Variants in SEPTIN9 observed in about 807,000 individuals in gnomAD.
The protein encoded by SEPTIN9 is septin 9.
Under a neutral mutation model 56.6 loss-of-function variants are expected in SEPTIN9, and 13 were observed. That is an observed-to-expected ratio of 0.23 (90% CI 0.15 to 0.37). The LOEUF is 0.37. Ranked by LOEUF, SEPTIN9 falls within the 10% of genes least tolerant of loss-of-function variation. The pLI, the probability that SEPTIN9 is intolerant of heterozygous loss-of-function variation, is 1.00. For missense variants in SEPTIN9, 650 were observed against 823.1 expected (o/e 0.79, Z 2.57); for synonymous variants, 332 against 334.1 (o/e 0.99, Z 0.07).
At chr17:77,481,030 C>T (rs1363516840) in intron 3 of SEPTIN9, among the ~76,000 whole-genome samples, 2 of 152,184 alleles carry the variant, frequency 1.3e-5, no homozygotes, top group South Asian at 2.1e-4. Context: ...GTGAGTGTGG[C>T]GAGTCTGAGG....
At chr17:77,339,427 G>A (rs979004527) in intron 2 of SEPTIN9, among the ~76,000 whole-genome samples, 27 of 152,146 alleles carry the variant, frequency 1.8e-4, no homozygotes, top group African/African-American at 5.5e-4. Context: ...ATACATCTCC[G>A]TCAGAGCTCT....
chr17:77,490,209 A>G (rs1000299883), intron 7 of SEPTIN9, among the ~76,000 whole-genome samples: 1 of 152,206 alleles, frequency 6.6e-6, no homozygotes, highest in African/African-American at 2.4e-5. Flanking sequence ...GAACTGGGGA[A>G]GATGGTGCCC....
chr17:77,288,984 T>C (rs2031406855), intron 1 of SEPTIN9, among the ~76,000 whole-genome samples: 1 of 152,246 alleles, frequency 6.6e-6, no homozygotes, highest in African/African-American at 2.4e-5. Flanking sequence ...GTGGCTGACC[T>C]TGGCTGGGGC....
Position 77,451,979 on chromosome 17 carries a change from G to T in SEPTIN9, c.722-30165G>T, listed in dbSNP as rs750090585. Among the ~76,000 whole-genome samples, 3 of 152,210 alleles carry T rather than the reference G, an allele frequency of 2.0e-5. No homozygotes were observed. Among genetic ancestry groups the T allele is most frequent in the Non-Finnish European group, 4.4e-5 (3 of 68,042 alleles). ...CCTCTGGGCTCCCGAAGACCGGCTG[G>T]CTGGAGGCTGGAGATAGTCTCAATG... is the stretch of plus-strand genomic sequence containing the variant. On this transcript the variant is annotated intron_variant, in intron 3 of 11. Coordinates refer to ENST00000427177, the MANE Select transcript of SEPTIN9 (RefSeq NM_001113491.2). This position sits in a 1 kb window ranked among gnomAD's most constrained non-coding sequence, Gnocchi z 4.2.
chr17:77,349,142 C>T (rs1038775929), intron 2 of SEPTIN9, among the ~76,000 whole-genome samples: 1 of 151,984 alleles, frequency 6.6e-6, no homozygotes, highest in Admixed American at 6.6e-5. Context: ...TGTCTCCCCA[C>T]AGGCTACAGT....
rs1244867167 is a variant in SEPTIN9 at position 77,487,073 on chromosome 17, C to T, written c.914-351C>T. On this transcript the variant is annotated intron_variant, in intron 4 of 11. Transcript: ENST00000427177. The surrounding 1 kb of genome is among the most constrained non-coding windows in gnomAD (Gnocchi z 4.3). ...GCAGCCCTGGGCTCCTCCGCCAGCC[C>T]GGCCTCTGTCCTGTCCAAAATCTGA... is the stretch of plus-strand genomic sequence containing the variant. 5.3e-5 allele frequency among the ~76,000 whole-genome samples: 8 copies of T among 152,324 alleles called. 1 individual carries two copies. The East Asian group carries it at 1.4e-3, about 26-fold the overall frequency.
At chr17:77,413,960 C>T (rs56702446) in intron 3 of SEPTIN9, among the ~76,000 whole-genome samples, 1 of 146,206 alleles carries the variant, frequency 6.8e-6, no homozygotes, top group South Asian at 2.1e-4. Flanking sequence ...TTTTTTTTCC[C>T]CTCTCTCTTT....
chr17:77,484,664 G>T (rs542918071), intron 4 of SEPTIN9, among the ~76,000 whole-genome samples: 1 of 140,664 alleles, frequency 7.1e-6, no homozygotes, highest in Non-Finnish European at 1.5e-5. Context: ...GGTGGTGATT[G>T]TGATGGTGGT....
chr17:77,332,551 A>G (rs2033405081), intron 2 of SEPTIN9, among the ~76,000 whole-genome samples: 2 of 152,206 alleles, frequency 1.3e-5, no homozygotes, highest in Admixed American at 6.5e-5. Context: ...AGTAAAATGT[A>G]TATACCCTGA....
Position 77,487,135 on chromosome 17 carries a change from G to A in SEPTIN9, c.914-289G>A, listed in dbSNP as rs2039826607. 6.6e-6 allele frequency among the ~76,000 whole-genome samples: 1 copy of A among 152,208 alleles called. No individual in the cohort carries two copies. Among genetic ancestry groups the A allele is most frequent in the South Asian group, 2.1e-4 (1 of 4,834 alleles). ...ACCTCCTGTCCAGAAAGCACAAGGG[G>A]CACAAGAGATGCCGACTCTCCCAGG... On this transcript the variant is annotated intron_variant, in intron 4 of 11. Transcript: ENST00000427177. The surrounding 1 kb of genome is among the most constrained non-coding windows in gnomAD (Gnocchi z 4.3).
chr17:77,384,005 G>A (rs1598287240), intron 2 of SEPTIN9, among the ~76,000 whole-genome samples: 2 of 152,224 alleles, frequency 1.3e-5, no homozygotes, highest in East Asian at 3.9e-4. Flanking sequence ...CTACATGCCA[G>A]GCAGGGTGCC....
chr17:77,391,575 G>A (rs887386169), intron 2 of SEPTIN9, among the ~76,000 whole-genome samples: 1 of 152,198 alleles, frequency 6.6e-6, no homozygotes, highest in Non-Finnish European at 1.5e-5. Flanking sequence ...GCAAAGATCC[G>A]TTTTCCAAAT....
At chr17:77,363,797 C>A (rs1003066625) in intron 2 of SEPTIN9, among the ~76,000 whole-genome samples, 1 of 152,122 alleles carries the variant, frequency 6.6e-6, no homozygotes, top group African/African-American at 2.4e-5. Flanking sequence ...TGGACAGGTC[C>A]CCAGAACCAA....
chr17:77,464,766 A>G (rs948568649), intron 3 of SEPTIN9, among the ~76,000 whole-genome samples: 8 of 150,812 alleles, frequency 5.3e-5, no homozygotes, highest in Non-Finnish European at 7.4e-5. Context: ...ACACCCGGCT[A>G]ATTTTTTTTT....
At chr17:77,427,922 C>T (rs977040655) in intron 3 of SEPTIN9, among the ~76,000 whole-genome samples, 1 of 152,226 alleles carries the variant, frequency 6.6e-6, no homozygotes, top group African/African-American at 2.4e-5. Flanking sequence ...TCCTGATCCA[C>T]TCGGGTCTGT....
rs766371389 is a variant in SEPTIN9 at position 77,437,102 on chromosome 17, G to A, written c.721+34399G>A. 1.3e-5 allele frequency among the ~76,000 whole-genome samples: 2 copies of A among 152,206 alleles called. No individual in the cohort carries two copies. Among genetic ancestry groups the A allele is most frequent in the East Asian group, 1.9e-4 (1 of 5,182 alleles). On this transcript the variant is annotated intron_variant, in intron 3 of 11. Coordinates refer to ENST00000427177, the MANE Select transcript of SEPTIN9 (RefSeq NM_001113491.2). This position sits in a 1 kb window ranked among gnomAD's most constrained non-coding sequence, Gnocchi z 5.3. ...CGCCGACCTCCTGCTCTGCCTTCCC[G>A]TGCCCATTCGGTTGGCATCAGCATC...
At chr17:77,297,063 TGATA>T (rs951790071) in intron 1 of SEPTIN9, among the ~76,000 whole-genome samples, 5 of 152,012 alleles carry the variant, frequency 3.3e-5, no homozygotes, top group Admixed American at 2.0e-4. Flanking sequence ...GAAAGATAGA[TGATA>T]GATAGATAGG....
Position 77,482,319 on chromosome 17 carries a change from C to G in SEPTIN9, c.897C>G (p.Phe299Leu), listed in dbSNP as rs773564637. The G allele has an allele frequency of 4.3e-6, 7 of 1,612,712 alleles. No homozygotes were observed. The highest frequency in any genetic ancestry group is 5.1e-6 in the Non-Finnish European group (6 of 1,179,854). The change falls in exon 4 of 12, where the codon TTC becomes TTG. Residue 299 changes from phenylalanine to leucine, a missense_variant. Transcript: ENST00000427177. Reference protein sequence around the residue: ...RRKAMKQGFEFNIMVVGQSGL... With the variant: ...RRKAMKQGFELNIMVVGQSGL... Reference sequence around the variant, plus strand: ...AGGCCATGAAGCAGGGCTTCGAGTTCAACATCATGGTGGTCGGTGAGTCCT... The same window carrying G: ...AGGCCATGAAGCAGGGCTTCGAGTTGAACATCATGGTGGTCGGTGAGTCCT...
intron 2 of SEPTIN9, among the ~76,000 whole-genome samples, chr17:77,394,910 C>T (rs538850921): frequency 6.6e-6 from 1 of 152,152 alleles, no homozygotes; most frequent in African/African-American, 2.4e-5. Context: ...ACTGTGGCCT[C>T]TTTTTGTGTA....
Sources: allele counts gnomAD v4.1 joint callset (sites outside exome capture counted in the v4.1 genomes callset), GRCh38; gene constraint gnomAD v4.1.1; non-coding constraint Gnocchi (gnomAD v3.1); transcripts MANE v1.5; gene names NCBI Gene and HGNC (gene_info 2026-07-23, HGNC 2026-07-21).